The following SMOX variants were observed in gnomAD, a reference collection of about 807,000 sequenced individuals.
SMOX encodes the protein flavin containing amine oxidase.
Under a neutral mutation model 51.0 loss-of-function variants are expected in SMOX, and 22 were observed. The ratio of observed to expected loss-of-function variants is 0.43; its 90% CI spans 0.31 to 0.62. The LOEUF (loss-of-function observed/expected upper bound fraction) is 0.62. SMOX is among the 20% of genes least tolerant of loss of function. The pLI, the probability that SMOX is intolerant of heterozygous loss-of-function variation, is 0.10. For missense variants in SMOX, 566 were observed against 777.7 expected (o/e 0.73, Z 3.24); for synonymous variants, 282 against 307.8 (o/e 0.92, Z 0.88).
In SMOX at chr20:4,187,347, C is replaced by A; in HGVS notation, c.1608C>A (p.Gly536=). The change falls in exon 7 of 7, where the codon GGC becomes GGA. Residue 536 remains glycine (G), a synonymous_variant. Transcript: ENST00000305958. The surrounding 1 kb of genome is among the most constrained non-coding windows in gnomAD (Gnocchi z 4.8). ...CCACCCACGGTGCTCTGCTGTCCGG[C>A]CAGCGTGAGGCTGCCCGCCTCATTG... ...YSTTHGALLS[G]QREAARLIEM... is the part of the protein sequence containing the mutation. 1 of 1,614,220 alleles carries A rather than the reference C, an allele frequency of 6.2e-7. No homozygotes were observed. The highest frequency in any genetic ancestry group is 8.5e-7 in the Non-Finnish European group (1 of 1,180,030).
Position 4,182,528 on chromosome 20 carries a change from C to T in SMOX, c.1049C>T (p.Pro350Leu). 1.9e-6 allele frequency: 3 copies of T among 1,612,876 alleles called. No individual in the cohort carries two copies. Among genetic ancestry groups the T allele is most frequent in the Non-Finnish European group, 2.5e-6 (3 of 1,179,342 alleles). ...QYTSFFRPGL[P>L]TEKVAAIHRL... Reference sequence around the variant, plus strand: ...ACCAGTTTCTTCCGGCCAGGCCTGCCCACAGAGAAGGTGGCTGCCATCCAC... The same window carrying T: ...ACCAGTTTCTTCCGGCCAGGCCTGCTCACAGAGAAGGTGGCTGCCATCCAC... Residue 350 changes from proline (P) to leucine (L), a missense_variant, in exon 5 of 7, where the codon CCC (proline) becomes CTC (leucine). Physicochemically the swap from Pro to Leu is moderately conservative, Grantham distance 98 (BLOSUM62 -3). Coordinates refer to ENST00000305958, the MANE Select transcript of SMOX (RefSeq NM_175839.3). This position sits in a 1 kb window ranked among gnomAD's most constrained non-coding sequence, Gnocchi z 8.4.
At position 4,153,618 on chromosome 20, in the gene SMOX, G is replaced by A. The variant is rs1600792454; in HGVS notation, c.-27+4641G>A. Among the ~76,000 whole-genome samples, 1 of 152,184 alleles carries A rather than the reference G, an allele frequency of 6.6e-6. No homozygotes were observed. On this transcript the variant is annotated intron_variant, in intron 1 of 6. Coordinates refer to ENST00000305958, the MANE Select transcript of SMOX (RefSeq NM_175839.3). This position sits in a 1 kb window ranked among gnomAD's most constrained non-coding sequence, Gnocchi z 4.4. ...TGAATTCTGAGCCCCAGAGTTGAGG[G>A]GATCTGCTCATCTATCTGGACAGAT...
chr20:4,156,728 G>T (rs1986035633), intron 1 of SMOX, among the ~76,000 whole-genome samples: 1 of 152,168 alleles, frequency 6.6e-6, no homozygotes. Context: ...AGGTAGCTGG[G>T]CCTGGGTCTT....
chr20:4,178,720 G>C (rs1353954090), intron 3 of SMOX, among the ~76,000 whole-genome samples: 1 of 139,908 alleles, frequency 7.1e-6, no homozygotes, highest in Non-Finnish European at 1.5e-5. Flanking sequence ...TTTCGCTCTT[G>C]TTGTCCAGGC....
Position 4,166,955 on chromosome 20 carries a change from T to C in SMOX, c.-26-8075T>C, listed in dbSNP as rs141314256. ...ATGACAATGTAATTGGAAAGAAGTC[T>C]GGGTGCCAGGCAGGATGATGGAGGC... On this transcript the variant is annotated intron_variant, in intron 1 of 6. Transcript: ENST00000305958. The surrounding 1 kb of genome is among the most constrained non-coding windows in gnomAD (Gnocchi z 4.2). 1.3e-3 allele frequency among the ~76,000 whole-genome samples: 199 copies of C among 152,370 alleles called. 1 individual carries two copies. Among genetic ancestry groups the C allele is most frequent in the African/African-American group, 4.6e-3 (190 of 41,594 alleles).
chr20:4,150,209 C>T (rs1440394800), intron 1 of SMOX, among the ~76,000 whole-genome samples: 1 of 152,172 alleles, frequency 6.6e-6, no homozygotes, highest in African/African-American at 2.4e-5. Flanking sequence ...CAGCTTCGGA[C>T]CTTCTTCCCT....
At position 4,153,715 on chromosome 20, in the gene SMOX, G is replaced by A. The variant is rs6052402; in HGVS notation, c.-27+4738G>A. On this transcript the variant is annotated intron_variant, in intron 1 of 6. Transcript: ENST00000305958. This position sits in a 1 kb window ranked among gnomAD's most constrained non-coding sequence, Gnocchi z 4.4. Reference sequence around the variant, plus strand: ...GAGGCACAGGGAAAACATTGCTGTTGGAAGCTCACCAGCCTTCATGGTTGT... The same window carrying A: ...GAGGCACAGGGAAAACATTGCTGTTAGAAGCTCACCAGCCTTCATGGTTGT... Among the ~76,000 whole-genome samples, 242 of 152,294 alleles carry A rather than the reference G, an allele frequency of 1.6e-3. No individual in the cohort carries two copies. Among genetic ancestry groups the A allele is most frequent in the African/African-American group, 5.6e-3 (231 of 41,580 alleles).
chr20:4,183,267 G>C lies in SMOX; in HGVS notation c.1370-227G>C. On this transcript the variant is annotated intron_variant, in intron 5 of 6. Coordinates refer to ENST00000305958, the MANE Select transcript of SMOX (RefSeq NM_175839.3). The surrounding 1 kb of genome is among the most constrained non-coding windows in gnomAD (Gnocchi z 4.3). ...GTGTCATGTGTTTTCAGATAGATAG[G>C]AAAAGTAAGGTGGAGCGTTTTGCCG... 1 of 616,302 alleles carries C rather than the reference G, an allele frequency of 1.6e-6. No homozygotes were observed. The highest frequency in any genetic ancestry group is 2.8e-6 in the Non-Finnish European group (1 of 353,660). The allele number at this position is 616,302 out of a possible 1,614,324, so 38.2% of individuals were successfully genotyped here. A position where few individuals can be genotyped will look rare whatever the true frequency, so the allele number is the denominator to read the frequency against.
chr20:4,176,091 G>C (rs539232152), intron 2 of SMOX: 2 of 150,172 alleles, frequency 1.3e-5, no homozygotes, highest in Non-Finnish European at 2.9e-5. Flanking sequence ...CATGATCTTG[G>C]TTCACTGCAA....
At chr20:4,151,721 C>T (rs113214207) in intron 1 of SMOX, among the ~76,000 whole-genome samples, 4 of 152,268 alleles carry the variant, frequency 2.6e-5, no homozygotes, top group African/African-American at 7.2e-5. Context: ...GGAAGTCCCC[C>T]GTAATTAATC....
intron 1 of SMOX, among the ~76,000 whole-genome samples, chr20:4,162,920 T>C (rs1001924595): frequency 6.6e-6 from 1 of 152,148 alleles, no homozygotes; most frequent in African/African-American, 2.4e-5. Context: ...AGGATGCGGC[T>C]GTGTGTGTCG....
chr20:4,185,342 A>G (rs1979650457), intron 6 of SMOX, among the ~76,000 whole-genome samples: 1 of 152,190 alleles, frequency 6.6e-6, no homozygotes, highest in Non-Finnish European at 1.5e-5. Context: ...TGGTGGGATT[A>G]CAGCCTCACT....
Position 4,182,532 on chromosome 20 carries a change from A to C in SMOX, c.1053A>C (p.Thr351=), listed in dbSNP as rs1282963115. 1 of 1,613,170 alleles carries C rather than the reference A, an allele frequency of 6.2e-7. No individual in the cohort carries two copies. The change falls in exon 5 of 7, where the codon ACA becomes ACC. Residue 351 remains threonine (T), a synonymous_variant. Coordinates refer to ENST00000305958, the MANE Select transcript of SMOX (RefSeq NM_175839.3). This position sits in a 1 kb window ranked among gnomAD's most constrained non-coding sequence, Gnocchi z 8.4. ...YTSFFRPGLP[T]EKVAAIHRLG... is the part of the protein sequence containing the mutation. ...GTTTCTTCCGGCCAGGCCTGCCCACAGAGAAGGTGGCTGCCATCCACCGCC... is the reference window on the plus strand; with the variant it reads ...GTTTCTTCCGGCCAGGCCTGCCCACCGAGAAGGTGGCTGCCATCCACCGCC...
Position 4,174,290 on chromosome 20 carries a change from G to A in SMOX, c.-26-740G>A, listed in dbSNP as rs74961812. Among the ~76,000 whole-genome samples, 858 of 152,270 alleles carry A rather than the reference G, an allele frequency of 5.6e-3. 14 individuals are homozygous for A. Among genetic ancestry groups the A allele is most frequent in the African/African-American group, 0.019 (805 of 41,542 alleles). On this transcript the variant is annotated intron_variant, in intron 1 of 6. Transcript: ENST00000305958. ...CCAGGCAAAGGAGGGAGAGCAGAGG[G>A]TCCAGGGTTGTGTGTGCAAGTATCC...
intron 1 of SMOX, among the ~76,000 whole-genome samples, chr20:4,174,250 A>T (rs1202849365): frequency 6.6e-6 from 1 of 152,192 alleles, no homozygotes; most frequent in Non-Finnish European, 1.5e-5. Flanking sequence ...AGAGAGAGAG[A>T]GTGCCAGGGA....
chr20:4,149,194 C>G lies in SMOX; in HGVS notation c.-27+217C>G, dbSNP rs974530764. ...CGGGGAGCAGGGGGCGCCGCGCCCC[C>G]CTGGCTTCCGCCGGGGTAAGCAGTG... On this transcript the variant is annotated intron_variant, in intron 1 of 6. Coordinates refer to ENST00000305958, the MANE Select transcript of SMOX (RefSeq NM_175839.3). The surrounding 1 kb of genome is among the most constrained non-coding windows in gnomAD (Gnocchi z 6.0). Among the ~76,000 whole-genome samples the G allele has an allele frequency of 4.7e-5, 7 of 149,996 alleles. No individual in the cohort carries two copies. The highest frequency in any genetic ancestry group is 2.0e-4 in the East Asian group (1 of 5,068).
intron 1 of SMOX, among the ~76,000 whole-genome samples, chr20:4,161,875 C>T (rs1215515282): frequency 6.6e-6 from 1 of 152,242 alleles, no homozygotes; most frequent in Non-Finnish European, 1.5e-5. Flanking sequence ...CCTTAGGGCT[C>T]ACTCACAAAC....
chr20:4,166,515 C>T lies in SMOX; in HGVS notation c.-26-8515C>T, dbSNP rs917013358. Among the ~76,000 whole-genome samples, 1 of 152,308 alleles carries T rather than the reference C, an allele frequency of 6.6e-6. No homozygotes were observed. The highest frequency in any genetic ancestry group is 2.4e-5 in the African/African-American group (1 of 41,556). ...GGTGTGAGCCACTGTGCCCTCCCAG[C>T]CTCTCTGGCTTCTTTCTGAGCTTTC... On this transcript the variant is annotated intron_variant, in intron 1 of 6. Coordinates refer to ENST00000305958, the MANE Select transcript of SMOX (RefSeq NM_175839.3). The surrounding 1 kb of genome is among the most constrained non-coding windows in gnomAD (Gnocchi z 4.2).
intron 1 of SMOX, among the ~76,000 whole-genome samples, chr20:4,169,285 A>T (rs1446165282): frequency 6.6e-6 from 1 of 152,176 alleles, no homozygotes; most frequent in Non-Finnish European, 1.5e-5. Flanking sequence ...TACAGGCATG[A>T]ACCACCTGTA....
Sources: gnomAD v4.1 joint callset for allele counts (sites outside exome capture counted in the v4.1 genomes callset) on GRCh38, gnomAD v4.1.1 for gene constraint, Gnocchi (gnomAD v3.1) non-coding constraint, MANE v1.5 for transcripts, NCBI Gene and HGNC (gene_info 2026-07-23, HGNC 2026-07-21) for gene names.